Variants in ZNF460 observed in about 807,000 individuals in gnomAD.
ZNF460 encodes zinc finger protein 272.
Under a neutral mutation model 8.4 loss-of-function variants are expected in ZNF460, and 1 was observed. The ratio of observed to expected loss-of-function variants is 0.12; its 90% CI spans 0.04 to 0.56. The LOEUF is 0.56. Ranked by LOEUF, ZNF460 falls within the 20% of genes least tolerant of loss-of-function variation. The pLI, the probability that ZNF460 is intolerant of heterozygous loss-of-function variation, is 0.91. For missense variants in ZNF460, 477 were observed against 714.8 expected (o/e 0.67, Z 3.79); for synonymous variants, 262 against 259.9 (o/e 1.01, Z -0.08).
At chr19:57,290,648 T>C (rs1415869300) in intron 2 of ZNF460, 51 bp from the exon 3 acceptor site, 2 of 1,520,722 alleles carry the variant, frequency 1.3e-6, no homozygotes, top group African/African-American at 2.8e-5. Context: ...GGTGGTTTCA[T>C]TTCTTCTGTA....
rs1208196617 is a variant in ZNF460 at position 57,293,512 on chromosome 19, ATG to A, written c.*1284_*1285del. The stretch of plus-strand genomic sequence containing the variant: ...TTTCTTTTATTGTTTTTAATTGACA[ATG>A]TTTATGGGGTTTGGTGTGATATTTC... On this transcript the variant is annotated 3_prime_UTR_variant, in exon 3 of 3. Coordinates refer to ENST00000360338, the MANE Select transcript of ZNF460 (RefSeq NM_006635.4). The A allele has an allele frequency of 6.6e-6, 1 of 152,124 alleles. No individual in the cohort carries two copies. 9.4% of individuals were successfully genotyped at this position (152,124 alleles called of 1,614,324 possible).
In ZNF460 at chr19:57,282,172, AG is replaced by A. The variant is rs532002764; in HGVS notation, c.30+1340del. On this transcript the variant is annotated intron_variant, in intron 1 of 2. Coordinates refer to ENST00000360338, the MANE Select transcript of ZNF460 (RefSeq NM_006635.4). ...TATATTGGTTGTTTAAGGAGTTCTCAGGGGACCTGTGTGGCTTCCACGGTGG... is the reference window on the plus strand; with the variant it reads ...TATATTGGTTGTTTAAGGAGTTCTCAGGGACCTGTGTGGCTTCCACGGTGG... Among the ~76,000 whole-genome samples the A allele has an allele frequency of 6.6e-5, 10 of 152,340 alleles. No homozygotes were observed. The South Asian group carries it at 2.1e-3, about 32-fold the overall frequency.
At position 57,280,563 on chromosome 19, in the gene ZNF460, CCTT is replaced by C. The variant is rs2087829706; in HGVS notation, c.-239_-237del. On this transcript the variant is annotated 5_prime_UTR_variant, in exon 1 of 3. Transcript: ENST00000360338. The stretch of plus-strand genomic sequence containing the variant: ...GGACGGGTAGTGAAGCGGTTACGCC[CCTT>C]CTTCGCGTCTTGGCGGGAGCCTGAC... The C allele has an allele frequency of 5.1e-6, 3 of 585,386 alleles. No homozygotes were observed. The highest frequency in any genetic ancestry group is 3.0e-5 in the Admixed American group (1 of 33,060). 36.3% of individuals were successfully genotyped at this position (585,386 alleles called of 1,614,324 possible).
At chr19:57,286,108 T>C (rs1254304005) in intron 2 of ZNF460, among the ~76,000 whole-genome samples, 1 of 152,234 alleles carries the variant, frequency 6.6e-6, no homozygotes, top group Non-Finnish European at 1.5e-5. Flanking sequence ...ATACGTTTGT[T>C]TCATTGTACT....
chr19:57,286,531 C>T (rs1034770447), intron 2 of ZNF460, among the ~76,000 whole-genome samples: 2 of 152,158 alleles, frequency 1.3e-5, no homozygotes, highest in African/African-American at 4.8e-5. Context: ...GCCTCTAATC[C>T]CAGCTACTCC....
chr19:57,288,212 CT>C (rs1312927876), intron 2 of ZNF460, among the ~76,000 whole-genome samples: 1 of 152,010 alleles, frequency 6.6e-6, no homozygotes, highest in Non-Finnish European at 1.5e-5. Flanking sequence ...AAATTTTCCC[CT>C]TTTTTAAGAG....
intron 2 of ZNF460, among the ~76,000 whole-genome samples, chr19:57,287,355 GTAT>G (rs1373460879): frequency 6.6e-6 from 1 of 152,158 alleles, no homozygotes; most frequent in African/African-American, 2.4e-5. Flanking sequence ...GTTGCTGAGA[GTAT>G]TATTGTTCAT....
At chr19:57,282,030 C>T (rs114244911) in intron 1 of ZNF460, 1 of 152,290 alleles carries the variant, frequency 6.6e-6, no homozygotes, top group African/African-American at 2.4e-5. Context: ...TTAGGGAGGC[C>T]TGGGGGTGAG....
At chr19:57,282,729 C>G (rs1425714558) in intron 1 of ZNF460, among the ~76,000 whole-genome samples, 7 of 152,064 alleles carry the variant, frequency 4.6e-5, no homozygotes. Flanking sequence ...GTGGCTCACA[C>G]CTGTAAACCC....
In ZNF460 at chr19:57,292,405, G is replaced by A. The variant is rs1232276894; in HGVS notation, c.*175G>A. Reference sequence around the variant, plus strand: ...AAGTATCATCTCTGTGGGAAAACCTGTTTTAGATCATCATTTGTCATCTAA... The same window carrying A: ...AAGTATCATCTCTGTGGGAAAACCTATTTTAGATCATCATTTGTCATCTAA... On this transcript the variant is annotated 3_prime_UTR_variant, in exon 3 of 3. Coordinates refer to ENST00000360338, the MANE Select transcript of ZNF460 (RefSeq NM_006635.4). The A allele has an allele frequency of 3.0e-6, 2 of 659,184 alleles. No homozygotes were observed. The highest frequency in any genetic ancestry group is 5.1e-6 in the Non-Finnish European group (2 of 390,560). 40.8% of individuals were successfully genotyped at this position (659,184 alleles called of 1,614,324 possible). A position where few individuals can be genotyped will look rare whatever the true frequency, so the allele number is the denominator to read the frequency against.
At chr19:57,285,755 T>G (rs2087875069) in intron 2 of ZNF460, among the ~76,000 whole-genome samples, 1 of 152,070 alleles carries the variant, frequency 6.6e-6, no homozygotes, top group Admixed American at 6.6e-5. Flanking sequence ...AAGCGTGGAG[T>G]CACCACGTCT....
In ZNF460 at chr19:57,290,925, T is replaced by G. The variant is rs770421760; in HGVS notation, c.384T>G (p.Gly128=). The G allele has an allele frequency of 6.2e-7, 1 of 1,614,138 alleles. No homozygotes were observed. Among genetic ancestry groups the G allele is most frequent in the Non-Finnish European group, 8.5e-7 (1 of 1,180,032 alleles). ...LHGKMSLEHE[G]LATADGICSM... Reference sequence around the variant, plus strand: ...GGAAAATGAGCCTTGAACACGAAGGTTTGGCGACAGCTGATGGTATTTGTT... The same window carrying G: ...GGAAAATGAGCCTTGAACACGAAGGGTTGGCGACAGCTGATGGTATTTGTT... The change falls in exon 3 of 3, where the codon GGT becomes GGG. Residue 128 remains glycine, a synonymous_variant. Transcript: ENST00000360338.
At chr19:57,284,765 G>A in intron 2 of ZNF460, 88 bp downstream of exon 2, 1 of 1,402,864 alleles carries the variant, frequency 7.1e-7, no homozygotes, top group Non-Finnish European at 9.4e-7. Flanking sequence ...CCTGGCTAGT[G>A]GAATAGGTCT....
intron 2 of ZNF460, among the ~76,000 whole-genome samples, chr19:57,287,764 G>A (rs944520760): frequency 8.5e-5 from 13 of 152,132 alleles, no homozygotes; most frequent in South Asian, 2.1e-4. Flanking sequence ...AGGTCTAGGC[G>A]GGCGGATCAC....
chr19:57,287,308 C>T lies in ZNF460; in HGVS notation c.157+2631C>T, dbSNP rs115448381. 4.7e-3 allele frequency among the ~76,000 whole-genome samples: 716 copies of T among 152,240 alleles called. 9 individuals carry two copies. Among genetic ancestry groups the T allele is most frequent in the African/African-American group, 0.017 (689 of 41,512 alleles). On this transcript the variant is annotated intron_variant, in intron 2 of 2. Transcript: ENST00000360338. ...TGCCATCCATTTGTCCATTACCCTG[C>T]TGATGGATGTTCCTGTTGTTTTCAG...
intron 2 of ZNF460, among the ~76,000 whole-genome samples, 181 bp downstream of exon 2, chr19:57,284,858 C>T (rs967999964): frequency 1.3e-5 from 2 of 149,984 alleles, no homozygotes; most frequent in Admixed American, 6.6e-5. Flanking sequence ...CTCTTGTTGC[C>T]CAGGCTGGAG....
intron 1 of ZNF460, 129 bp from the exon 2 acceptor site, chr19:57,284,422 G>C (rs1167591794): frequency 2.6e-6 from 3 of 1,139,254 alleles, no homozygotes; most frequent in Non-Finnish European, 3.8e-6. Flanking sequence ...CACAGATCTT[G>C]GCCCTTTGGA....
intron 1 of ZNF460, among the ~76,000 whole-genome samples, chr19:57,282,413 G>T (rs2122882231): frequency 6.6e-6 from 1 of 152,218 alleles, no homozygotes; most frequent in South Asian, 2.1e-4. Context: ...CTGCTAGTAG[G>T]ACTTAGGTAG....
chr19:57,290,125 G>C (rs538499071), intron 2 of ZNF460, among the ~76,000 whole-genome samples: 19 of 150,630 alleles, frequency 1.3e-4, no homozygotes, highest in African/African-American at 4.4e-4. Context: ...AGGCAACAGA[G>C]TGAAATTCCA....
Sources: allele counts gnomAD v4.1 joint callset (sites outside exome capture counted in the v4.1 genomes callset), GRCh38; gene constraint gnomAD v4.1.1; transcripts MANE v1.5; gene names NCBI Gene and HGNC (gene_info 2026-07-23, HGNC 2026-07-21).